Variants in GNG2 observed in about 807,000 individuals in gnomAD.
GNG2 encodes the protein G protein subunit gamma 2, also known as guanine nucleotide-binding protein G(I)/G(S)/G(O) subunit gamma-2.
In GNG2, 5 loss-of-function variants were observed where a neutral mutation model predicts 5.5. The observed-to-expected ratio is 0.91, with a 90% CI of 0.48 to 1.92. GNG2 has a LOEUF of 1.92. Ranked by LOEUF, GNG2 falls within the 30% of genes most tolerant of loss-of-function variation. The pLI is 0.01. For missense variants in GNG2, 55 were observed against 88.4 expected (o/e 0.62, Z 1.52); for synonymous variants, 28 against 32.0 (o/e 0.88, Z 0.42).
At chr14:51,947,531 C>T (rs1253632) in intron 2 of GNG2, among the ~76,000 whole-genome samples, 149,508 of 152,196 alleles carry the variant, frequency 0.98, 73,453 homozygotes, top group Middle Eastern at 0.99. Flanking sequence ...CCAAGAAAAG[C>T]TGACAGCCTC....
At chr14:51,941,239 A>G (rs998751309) in intron 2 of GNG2, among the ~76,000 whole-genome samples, 4 of 152,346 alleles carry the variant, frequency 2.6e-5, no homozygotes, top group Non-Finnish European at 5.9e-5. Flanking sequence ...ATTTATCCAG[A>G]TGACTAATTG....
chr14:51,891,472 A>G (rs1884849670), intron 2 of GNG2, among the ~76,000 whole-genome samples: 1 of 152,222 alleles, frequency 6.6e-6, no homozygotes, highest in Non-Finnish European at 1.5e-5. Flanking sequence ...TATATATATT[A>G]AAGACTGTTA....
At chr14:51,891,094 T>C (rs79590703) in intron 2 of GNG2, among the ~76,000 whole-genome samples, 1,671 of 152,334 alleles carry the variant, frequency 0.011, 35 homozygotes, top group African/African-American at 0.037. Context: ...TTCATGTAGA[T>C]TCCTCTCATA....
chr14:51,880,807 T>C (rs2140140122), intron 2 of GNG2, among the ~76,000 whole-genome samples: 1 of 152,214 alleles, frequency 6.6e-6, no homozygotes, highest in East Asian at 1.9e-4. Flanking sequence ...AGAAAGTAGC[T>C]GTCACATTGA....
At chr14:51,859,940 T>C (rs982631380), upstream of GNG2, among the ~76,000 whole-genome samples, 3 of 152,222 alleles carry the variant, frequency 2.0e-5, no homozygotes, top group East Asian at 5.8e-4. Context: ...ATAGGTAGCA[T>C]TGCCAACTTG....
At chr14:51,854,902 T>C (rs1359958393) in intron 2 of GNG2, among the ~76,000 whole-genome samples, 1 of 152,188 alleles carries the variant, frequency 6.6e-6, no homozygotes, top group African/African-American at 2.4e-5. Context: ...TCTGTGCTAC[T>C]GTCCTCTTCA....
At chr14:51,879,014 C>A (rs1309282935) in intron 2 of GNG2, among the ~76,000 whole-genome samples, 3 of 152,148 alleles carry the variant, frequency 2.0e-5, no homozygotes, top group African/African-American at 7.2e-5. Context: ...CTTTGGTATC[C>A]CTGTCCTTGG....
intron 2 of GNG2, among the ~76,000 whole-genome samples, chr14:51,890,029 G>A (rs1566667351): frequency 6.6e-6 from 1 of 152,156 alleles, no homozygotes; most frequent in African/African-American, 2.4e-5. Flanking sequence ...AGAAGTCCAA[G>A]TACTCAAAAT....
chr14:51,899,981 A>G (rs1364734096), intron 2 of GNG2, among the ~76,000 whole-genome samples: 2 of 152,214 alleles, frequency 1.3e-5, no homozygotes, highest in African/African-American at 4.8e-5. Context: ...CCAGTGTACA[A>G]ATATGTCTTC....
intron 1 of GNG2, chr14:51,861,445 G>T (rs1882474319): frequency 6.6e-6 from 1 of 152,130 alleles, no homozygotes; most frequent in Admixed American, 6.5e-5. Flanking sequence ...CGGGTTTAAG[G>T]CCAGTAACTT....
chr14:51,960,116 C>T (rs1355462472), intron 3 of GNG2, among the ~76,000 whole-genome samples: 1 of 151,984 alleles, frequency 6.6e-6, no homozygotes, highest in African/African-American at 2.4e-5. Flanking sequence ...TTTAGGGACT[C>T]CAATTATATG....
chr14:51,922,271 G>C (rs138767591), intron 2 of GNG2, among the ~76,000 whole-genome samples: 3 of 152,202 alleles, frequency 2.0e-5, no homozygotes, highest in Admixed American at 2.0e-4. Context: ...GAAATTGCTT[G>C]TGGATCTTGT....
chr14:51,932,333 C>T (rs1356366155), intron 2 of GNG2, among the ~76,000 whole-genome samples: 1 of 149,148 alleles, frequency 6.7e-6, no homozygotes, highest in East Asian at 2.0e-4. Context: ...AGGAAATCCT[C>T]TCACATGCTA....
At chr14:51,944,291 T>A (rs368428275) in intron 2 of GNG2, among the ~76,000 whole-genome samples, 57 of 152,328 alleles carry the variant, frequency 3.7e-4, no homozygotes, top group African/African-American at 1.3e-3. Context: ...ATGTGCAAGA[T>A]CAAGATGTCA....
intron 2 of GNG2, chr14:51,914,026 G>A (rs2140208439): frequency 1.9e-6 from 1 of 514,016 alleles, no homozygotes; most frequent in Non-Finnish European, 3.5e-6. Flanking sequence ...ATTTCCATGT[G>A]TGCTTAAAAC....
At chr14:51,954,555 A>T (rs956311250) in intron 3 of GNG2, among the ~76,000 whole-genome samples, 1 of 152,208 alleles carries the variant, frequency 6.6e-6, no homozygotes, top group African/African-American at 2.4e-5. Context: ...CAACCAAGCT[A>T]GCTGAAGCAG....
At chr14:51,966,227 A>AAACAAAAAC (rs1889895578) in intron 3 of GNG2, among the ~76,000 whole-genome samples, 1 of 148,842 alleles carries the variant, frequency 6.7e-6, no homozygotes, top group African/African-American at 2.5e-5. Flanking sequence ...AAAAAAAAAA[A>AAACAAAAAC]AAAAAAAAAA....
intron 3 of GNG2, among the ~76,000 whole-genome samples, chr14:51,959,389 G>A (rs368933873): frequency 5.3e-5 from 8 of 152,030 alleles, no homozygotes; most frequent in Admixed American, 1.3e-4. Flanking sequence ...CAGCAAGTTC[G>A]TTTTTCATTT....
chr14:51,937,518 G>A (rs1364067560), intron 2 of GNG2, among the ~76,000 whole-genome samples: 3 of 152,104 alleles, frequency 2.0e-5, no homozygotes, highest in Non-Finnish European at 4.4e-5. Context: ...GATTAACTGG[G>A]TTGTCTATAG....
Sources: gnomAD v4.1 joint callset for allele counts (sites outside exome capture counted in the v4.1 genomes callset) on GRCh38, gnomAD v4.1.1 for gene constraint, MANE v1.5 for transcripts, NCBI Gene and HGNC (gene_info 2026-07-23, HGNC 2026-07-21) for gene names.